Variants in MME observed in about 807,000 individuals in gnomAD.
MME encodes membrane metalloendopeptidase, also known as neprilysin.
MME carries 98 observed loss-of-function variants against 113.2 expected under a neutral mutation model. The ratio of observed to expected loss-of-function variants is 0.87; its 90% CI spans 0.74 to 1.02. The LOEUF (loss-of-function observed/expected upper bound fraction) is 1.02. MME is among the 50% of genes least tolerant of loss of function. The pLI is 0.00. For missense variants in MME, 836 were observed against 896.0 expected (o/e 0.93, Z 0.86); for synonymous variants, 292 against 300.6 (o/e 0.97, Z 0.30).
intron 1 of MME, among the ~76,000 whole-genome samples, chr3:155,060,973 C>A (rs1043492434): frequency 2.0e-5 from 3 of 152,166 alleles, no homozygotes; most frequent in African/African-American, 7.2e-5. Context: ...AAGACCCCAC[C>A]TCCTAACAAT....
intron 8 of MME, among the ~76,000 whole-genome samples, chr3:155,137,448 T>C (rs1306626531): frequency 6.6e-6 from 1 of 152,234 alleles, no homozygotes; most frequent in African/African-American, 2.4e-5. Context: ...GGCTCACGCC[T>C]GTAATCCCAG....
intron 16 of MME, among the ~76,000 whole-genome samples, chr3:155,152,134 C>A (rs1004666352): frequency 6.6e-6 from 1 of 152,162 alleles, no homozygotes; most frequent in Non-Finnish European, 1.5e-5. Flanking sequence ...TACACCTCAC[C>A]ATTGTCCAAA....
rs140008775 is a variant in MME, at chr3:155,062,750, G to A, written c.-10-21408G>A. ...GCTTGAAAATATTGACACACAAATGGAAACTTTAAAAAGGAAAGAATTGAC... is the reference window on the plus strand; with the variant it reads ...GCTTGAAAATATTGACACACAAATGAAAACTTTAAAAAGGAAAGAATTGAC... On this transcript the variant is annotated intron_variant, in intron 1 of 22. Transcript: ENST00000492661. 6.4e-3 allele frequency among the ~76,000 whole-genome samples: 978 copies of A among 151,994 alleles called. 5 individuals carry two copies. The highest frequency in any genetic ancestry group is 0.014 in the Middle Eastern group (4 of 294).
chr3:155,053,516 A>T (rs77135271), intron 1 of MME, among the ~76,000 whole-genome samples: 6,645 of 152,246 alleles, frequency 0.044, 159 homozygotes, highest in African/African-American at 0.052. Flanking sequence ...TGAGGAGAAC[A>T]GCATGAAGAT....
At position 155,045,277 on chromosome 3, in the gene MME, A is replaced by T. The variant is rs186906895; in HGVS notation, c.-11+20953A>T. ...ACGATTCCCCTGCCTCAGCCTCCTGAGTAGCTGGGACTACAGGTGCCTGCC... is the reference window on the plus strand; with the variant it reads ...ACGATTCCCCTGCCTCAGCCTCCTGTGTAGCTGGGACTACAGGTGCCTGCC... On this transcript the variant is annotated intron_variant, in intron 1 of 22. Coordinates refer to the MME transcript ENST00000492661. Among the ~76,000 whole-genome samples, 971 of 151,504 alleles carry T rather than the reference A, an allele frequency of 6.4e-3. 7 individuals carry two copies. The highest frequency in any genetic ancestry group is 9.0e-3 in the Non-Finnish European group (614 of 67,950).
chr3:155,172,019 A>G, intron 20 of MME, 98 bp from the exon 21 acceptor site: 1 of 741,718 alleles, frequency 1.3e-6, no homozygotes, highest in East Asian at 2.7e-5. Context: ...TGATTTTAAC[A>G]TAAAATGTTA....
intron 1 of MME, among the ~76,000 whole-genome samples, chr3:155,024,925 G>A (rs969373684): frequency 6.6e-6 from 1 of 152,276 alleles, no homozygotes; most frequent in Admixed American, 6.5e-5. Context: ...GCATAGGAAG[G>A]ACCATCAAAC....
chr3:155,169,285 C>T (rs1484246394), intron 20 of MME, among the ~76,000 whole-genome samples: 6 of 152,242 alleles, frequency 3.9e-5, no homozygotes, highest in South Asian at 2.1e-4. Context: ...AAGGGACTGA[C>T]GTGATATGGT....
At chr3:155,074,857 C>T (rs1338289284), upstream of MME, among the ~76,000 whole-genome samples, 2 of 152,018 alleles carry the variant, frequency 1.3e-5, no homozygotes, top group Non-Finnish European at 2.9e-5. Flanking sequence ...TTGAGATTCA[C>T]TGTAGCTTAT....
intron 16 of MME, among the ~76,000 whole-genome samples, chr3:155,156,881 G>A (rs1454195872): frequency 6.6e-6 from 1 of 151,816 alleles, no homozygotes; most frequent in African/African-American, 2.4e-5. Context: ...CACAAGAGTG[G>A]GTGAAAAAAA....
At chr3:155,044,557 GT>G (rs1287993127) in intron 1 of MME, among the ~76,000 whole-genome samples, 1 of 151,562 alleles carries the variant, frequency 6.6e-6, no homozygotes, top group Non-Finnish European at 1.5e-5. Flanking sequence ...TCTCGCTGTT[GT>G]TGCCCAGGCT....
intron 1 of MME, among the ~76,000 whole-genome samples, chr3:155,035,971 T>C (rs946966867): frequency 1.1e-4 from 16 of 152,232 alleles, no homozygotes; most frequent in African/African-American, 2.9e-4. Context: ...GGTGCTGCAA[T>C]AATCCAGGCA....
In MME at chr3:155,116,891, G is replaced by A; in HGVS notation, c.559G>A (p.Ala187Thr). ...AGGTGCTTCTTGGACAGCTGAAAAA[G>A]CTATTGCACAACTGAATTCTAAATA... ...KYGASWTAEK[A>T]IAQLNSKYGK... is the part of the protein sequence containing the mutation. The change falls in exon 7 of 23, where the codon GCT becomes ACT. Residue 187 changes from alanine to threonine, a missense_variant. By Grantham distance (58) the Ala-to-Thr change is moderately conservative. Coordinates refer to ENST00000360490, the MANE Select transcript of MME (RefSeq NM_007289.4). 3 of 1,611,700 alleles carry A rather than the reference G, an allele frequency of 1.9e-6. No individual in the cohort carries two copies. The Middle Eastern group carries it at 5.0e-4, about 267-fold the overall frequency.
chr3:155,100,655 T>C (rs918322821), intron 3 of MME, among the ~76,000 whole-genome samples: 4 of 152,248 alleles, frequency 2.6e-5, no homozygotes, highest in Non-Finnish European at 4.4e-5. Context: ...GAAGAAATGA[T>C]GCACATGAAA....
chr3:155,145,851 G>A lies in MME; in HGVS notation c.1417-1293G>A, dbSNP rs555187809. Among the ~76,000 whole-genome samples the A allele has an allele frequency of 2.6e-5, 4 of 152,238 alleles. No individual in the cohort carries two copies. The South Asian group carries it at 6.2e-4, about 24-fold the overall frequency. On this transcript the variant is annotated intron_variant, in intron 14 of 22. Coordinates refer to ENST00000360490, the MANE Select transcript of MME (RefSeq NM_007289.4). Reference sequence around the variant, plus strand: ...CTTACAGTAAATAAAGTATCATTAAGTGGGGGCTGGATTGTCATGACTGAT... The same window carrying A: ...CTTACAGTAAATAAAGTATCATTAAATGGGGGCTGGATTGTCATGACTGAT...
At chr3:155,110,413 C>A (rs112714521) in intron 3 of MME, among the ~76,000 whole-genome samples, 1 of 152,174 alleles carries the variant, frequency 6.6e-6, no homozygotes, top group East Asian at 1.9e-4. Context: ...TTTTTCCCAG[C>A]GTATACTACA....
At chr3:155,170,337 G>A (rs1164201965) in intron 20 of MME, among the ~76,000 whole-genome samples, 3 of 152,180 alleles carry the variant, frequency 2.0e-5, no homozygotes, top group Non-Finnish European at 4.4e-5. Context: ...GAGCCACTGT[G>A]CCTGACCGCA....
chr3:155,082,523 A>G (rs529942928), intron 1 of MME, among the ~76,000 whole-genome samples: 19 of 152,312 alleles, frequency 1.2e-4, no homozygotes, highest in African/African-American at 3.8e-4. Context: ...AATCAATGCA[A>G]TTCCATATCA....
intron 10 of MME, among the ~76,000 whole-genome samples, chr3:155,141,063 G>A (rs958661257): frequency 4.6e-5 from 7 of 151,964 alleles, no homozygotes; most frequent in South Asian, 2.1e-4. Flanking sequence ...ATTTATTCTC[G>A]TGTATTAGTT....
Sources: gnomAD v4.1 joint callset for allele counts (sites outside exome capture counted in the v4.1 genomes callset) on GRCh38, gnomAD v4.1.1 for gene constraint, MANE v1.5 for transcripts, NCBI Gene and HGNC (gene_info 2026-07-23, HGNC 2026-07-21) for gene names.